STK32A: variants seen among roughly 807,000 people sequenced by gnomAD.
The protein encoded by STK32A is serine/threonine kinase 32A, also known as serine/threonine-protein kinase 32A.
A neutral mutation model predicts 53.2 loss-of-function variants in STK32A; 41 were observed. The observed-to-expected ratio is 0.77, with a 90% confidence interval of 0.60 to 1.00. The LOEUF (loss-of-function observed/expected upper bound fraction) is 1.00, where lower values mean the gene tolerates loss of function less well. Ranked by LOEUF, STK32A falls within the 50% of genes least tolerant of loss-of-function variation. The probability of loss-of-function intolerance (pLI) is 0.00; values close to 1 mark genes in which losing one functional copy is unlikely to be tolerated. For missense variants in STK32A, 458 were observed against 485.8 expected (o/e 0.94, Z 0.54); for synonymous variants, 166 against 162.8 (o/e 1.02, Z -0.15).
intron 4 of STK32A, among the ~76,000 whole-genome samples, chr5:147,316,863 A>G (rs1329318607): frequency 6.8e-6 from 1 of 147,858 alleles, no homozygotes; most frequent in African/African-American, 2.6e-5. Flanking sequence ...TCTGGCGAAA[A>G]AAAAAAAAAA....
At position 147,265,031 on chromosome 5, in the gene STK32A, G is replaced by T. The variant is rs939634684; in HGVS notation, c.53-13093G>T. Among the ~76,000 whole-genome samples the T allele has an allele frequency of 3.2e-4, 48 of 150,616 alleles. No homozygotes were observed. The East Asian group carries it at 7.4e-3, about 23-fold the overall frequency. ...ATCGTGGTTATCTTTAGATGGTTTTGTTTTTCTTCTTTATACTTTGCTGTA... is the reference window on the plus strand; with the variant it reads ...ATCGTGGTTATCTTTAGATGGTTTTTTTTTTCTTCTTTATACTTTGCTGTA... On this transcript the variant is annotated intron_variant, in intron 2 of 12. Transcript: ENST00000397936.
chr5:147,323,528 C>G (rs1336416369), intron 4 of STK32A, among the ~76,000 whole-genome samples: 1 of 152,154 alleles, frequency 6.6e-6, no homozygotes, highest in East Asian at 1.9e-4. Context: ...ATTTTATGGG[C>G]CTTCTGCAAT....
In STK32A at chr5:147,386,268, G is replaced by A. The variant is rs1757640069; in HGVS notation, c.*2285G>A. The A allele has an allele frequency of 6.6e-6, 1 of 152,176 alleles. No individual in the cohort carries two copies. The highest frequency in any genetic ancestry group is 2.4e-5 in the African/African-American group (1 of 41,450). The allele number at this position is 152,176 out of a possible 1,614,324, so 9.4% of individuals were successfully genotyped here. On this transcript the variant is annotated 3_prime_UTR_variant, in exon 13 of 13. Transcript: ENST00000397936. ...CAGAGAAGGGGATGTGTTGGAAAGA[G>A]CAAGAATAAGAAAGTGACCAGATTC... is the stretch of plus-strand genomic sequence containing the variant.
chr5:147,369,105 A>T (rs1005756238), intron 8 of STK32A, among the ~76,000 whole-genome samples: 23 of 152,130 alleles, frequency 1.5e-4, no homozygotes, highest in African/African-American at 5.5e-4. Context: ...GCACTCCTTT[A>T]CTGATATTGA....
chr5:147,396,230 C>T, the STK32A span, among the ~76,000 whole-genome samples: 1 of 152,124 alleles, frequency 6.6e-6, no homozygotes, highest in Non-Finnish European at 1.5e-5. Flanking sequence ...GGTGGGCAGG[C>T]CTTGAAGTGA....
intron 5 of STK32A, among the ~76,000 whole-genome samples, chr5:147,325,218 T>G (rs182279887): frequency 1.4e-4 from 22 of 152,320 alleles, no homozygotes; most frequent in African/African-American, 5.1e-4. Flanking sequence ...GCTGAGATTT[T>G]AAGTACAATT....
At chr5:147,377,066 T>C (rs1757259990) in intron 11 of STK32A, among the ~76,000 whole-genome samples, 2 of 152,186 alleles carry the variant, frequency 1.3e-5, no homozygotes, top group African/African-American at 2.4e-5. Context: ...TTTTTAATAT[T>C]GGTGTTTATA....
At chr5:147,372,404 G>A (rs1196279251) in intron 9 of STK32A, among the ~76,000 whole-genome samples, 1 of 147,636 alleles carries the variant, frequency 6.8e-6, no homozygotes, top group Non-Finnish European at 1.5e-5. Context: ...CCTTATTTTG[G>A]AATAGGGACA....
intron 4 of STK32A, among the ~76,000 whole-genome samples, chr5:147,312,585 G>A (rs1753756922): frequency 1.3e-5 from 2 of 152,148 alleles, no homozygotes; most frequent in East Asian, 1.9e-4. Flanking sequence ...GTTAAAGAAG[G>A]CATTCAAGGT....
intron 4 of STK32A, among the ~76,000 whole-genome samples, chr5:147,321,885 G>C (rs1754338482): frequency 6.6e-6 from 1 of 152,050 alleles, no homozygotes; most frequent in Non-Finnish European, 1.5e-5. Context: ...CTGACTTTTG[G>C]TACCAAACCC....
chr5:147,398,003 C>T, the STK32A span, among the ~76,000 whole-genome samples: 2 of 152,072 alleles, frequency 1.3e-5, no homozygotes, highest in Admixed American at 6.5e-5. Context: ...TAGAAGGCAC[C>T]GGAGACAGAT....
chr5:147,238,470 G>A (rs2151936783), intron 1 of STK32A, among the ~76,000 whole-genome samples: 1 of 152,274 alleles, frequency 6.6e-6, no homozygotes, highest in South Asian at 2.1e-4. Flanking sequence ...TTTAGGACTG[G>A]AACACAGGAT....
chr5:147,275,051 C>T (rs938953152), intron 2 of STK32A, among the ~76,000 whole-genome samples: 4 of 152,182 alleles, frequency 2.6e-5, no homozygotes, highest in Non-Finnish European at 5.9e-5. Flanking sequence ...TCCAGTTTGG[C>T]ATTTACTGTT....
intron 4 of STK32A, among the ~76,000 whole-genome samples, chr5:147,299,682 G>A (rs758172908): frequency 6.6e-6 from 1 of 152,100 alleles, no homozygotes; most frequent in Admixed American, 6.6e-5. Context: ...ATTGTTATCC[G>A]GGAGCATAGA....
At chr5:147,238,150 A>C (rs946770956) in intron 1 of STK32A, among the ~76,000 whole-genome samples, 2 of 152,218 alleles carry the variant, frequency 1.3e-5, no homozygotes, top group Non-Finnish European at 2.9e-5. Context: ...TAGAATTTTA[A>C]AATATTATTT....
chr5:147,395,510 T>A, the STK32A span: 1 of 1,564,350 alleles, frequency 6.4e-7, no homozygotes, highest in Non-Finnish European at 8.7e-7. Context: ...AGAACATTGA[T>A]CTTCCCCTTC....
chr5:147,305,091 T>TAA (rs969931416), intron 4 of STK32A, among the ~76,000 whole-genome samples: 1 of 149,252 alleles, frequency 6.7e-6, no homozygotes, highest in Non-Finnish European at 1.5e-5. Flanking sequence ...TCTAAAAAAC[T>TAA]AAAAAAAAAA....
intron 8 of STK32A, among the ~76,000 whole-genome samples, chr5:147,363,685 C>T (rs1756616951): frequency 6.6e-6 from 1 of 152,172 alleles, no homozygotes; most frequent in Non-Finnish European, 1.5e-5. Context: ...GCAGCATCTG[C>T]TAGTATAATC....
rs1036814042 is a variant in STK32A, at chr5:147,385,293, A to C, written c.*1310A>C. The C allele has an allele frequency of 6.6e-6, 1 of 152,106 alleles. No individual in the cohort carries two copies. The highest frequency in any genetic ancestry group is 2.4e-5 in the African/African-American group (1 of 41,408). 9.4% of individuals were successfully genotyped at this position (152,106 alleles called of 1,614,324 possible). On this transcript the variant is annotated 3_prime_UTR_variant, in exon 13 of 13. Transcript: ENST00000397936. ...GCTGGGATCGCATGTGTGTGCCACCATGTGTAGCTAATTTTTTGTATTTTT... is the reference window on the plus strand; with the variant it reads ...GCTGGGATCGCATGTGTGTGCCACCCTGTGTAGCTAATTTTTTGTATTTTT...
Sources: gnomAD v4.1 joint callset for allele counts (sites outside exome capture counted in the v4.1 genomes callset) on GRCh38, gnomAD v4.1.1 for gene constraint, MANE v1.5 for transcripts, NCBI Gene and HGNC (gene_info 2026-07-23, HGNC 2026-07-21) for gene names.